EPPK1: variants seen among roughly 807,000 people sequenced by gnomAD.
The protein encoded by EPPK1 is epiplakin 1, also known as epiplakin.
For synonymous variants in EPPK1, 1,862 were observed against 1,721.2 expected, an observed-to-expected ratio of 1.08 and a Z score of -2.03; for missense variants, 3,823 against 3,673.3, an observed-to-expected ratio of 1.04 and a Z score of -1.05.
chr8:143,871,628 G>C lies in EPPK1; in HGVS notation c.1626C>G (p.Ala542=). 6.2e-7 allele frequency: 1 copy of C among 1,604,538 alleles called. No homozygotes were observed. Among genetic ancestry groups the C allele is most frequent in the South Asian group, 1.1e-5 (1 of 89,840 alleles). ...QEGTLSVEKL[A]AKLSATLEQA... is the part of the protein sequence containing the mutation. Reference sequence around the variant, plus strand: ...GCTCGAGGGTGGCGCTCAGCTTAGCGGCCAGCTTCTCCACGGAGAGGGTCC... The same window carrying C: ...GCTCGAGGGTGGCGCTCAGCTTAGCCGCCAGCTTCTCCACGGAGAGGGTCC... Residue 542 remains alanine, a synonymous_variant, in exon 2 of 2, where the codon GCC becomes GCG. Coordinates refer to ENST00000615648, the MANE Select transcript of EPPK1 (RefSeq NM_031308.4).
chr8:143,877,224 C>CCCTGCCCCTTCCG (rs1819499161), intron 1 of EPPK1, among the ~76,000 whole-genome samples: 4 of 152,238 alleles, frequency 2.6e-5, no homozygotes, highest in African/African-American at 9.6e-5. Context: ...TGCCCCTTCC[C>CCCTGCCCCTTCCG]TGGGCCCTGC....
chr8:143,872,982 T>C lies in EPPK1; in HGVS notation c.272A>G (p.Gln91Arg). ...CAGGGCCTTGGACACAGGGAGCAGCTGGCCCCGGGCGAGGTCCACCAGGCC... is the reference window on the plus strand; with the variant it reads ...CAGGGCCTTGGACACAGGGAGCAGCCGGCCCCGGGCGAGGTCCACCAGGCC... ...TGGLVDLARG[Q>R]LLPVSKALQQ... Residue 91 changes from glutamine (Q) to arginine (R), a missense_variant, in exon 2 of 2, where the codon CAG becomes CGG. Physicochemically the swap from Gln to Arg is conservative, Grantham distance 43. Transcript: ENST00000615648. The C allele has an allele frequency of 6.3e-7, 1 of 1,586,656 alleles. No individual in the cohort carries two copies. Among genetic ancestry groups the C allele is most frequent in the Non-Finnish European group, 8.6e-7 (1 of 1,165,932 alleles).
At position 143,866,884 on chromosome 8, in the gene EPPK1, C is replaced by G. The variant is rs782669606; in HGVS notation, c.6370G>C (p.Ala2124Pro). 15 of 1,613,100 alleles carry G rather than the reference C, an allele frequency of 9.3e-6. No homozygotes were observed. The highest frequency in any genetic ancestry group is 2.2e-5 in the South Asian group (2 of 91,084). ...GTCACGTATTCGGAATTCAGTAGTG[C>G]CCACAGTGTTGGTTTCTGGCCTCTG... ...RFRGQKPTLW[A>P]LLNSEYVTEE... Residue 2124 changes from alanine (A) to proline (P), a missense_variant, in exon 2 of 2, where the codon GCA becomes CCA. Transcript: ENST00000615648.
rs782622776 is a variant in EPPK1 at position 143,868,924 on chromosome 8, C to T, written c.4330G>A (p.Asp1444Asn). ...LPSDTVLEVD[D>N]HTAVALRAMK... ...GCCCTCAGAGCCACCGCGGTGTGGT[C>T]GTCCACCTCAAGCACTGTGTCTGAG... Residue 1444 changes from aspartate (D) to asparagine (N), a missense_variant, in exon 2 of 2, where the codon GAC becomes AAC. Asp to Asn is a conservative substitution (Grantham distance 23, BLOSUM62 1). Transcript: ENST00000615648. 35 of 1,610,916 alleles carry T rather than the reference C, an allele frequency of 2.2e-5. No individual in the cohort carries two copies. Among genetic ancestry groups the T allele is most frequent in the Non-Finnish European group, 2.8e-5 (33 of 1,179,842 alleles).
In EPPK1 at chr8:143,872,552, G is replaced by A. The variant is rs1240086499; in HGVS notation, c.702C>T (p.Thr234=). Residue 234 remains threonine, a synonymous_variant, in exon 2 of 2, where the codon ACC becomes ACT. Coordinates refer to ENST00000615648, the MANE Select transcript of EPPK1 (RefSeq NM_031308.4). ...SGLALLPLKI[T]FRSMGGAVSA... is the part of the protein sequence containing the mutation. Reference sequence around the variant, plus strand: ...TCACCGCCCCGCCCATGGAGCGGAAGGTGATCTTGAGGGGCAGCAAGGCTA... The same window carrying A: ...TCACCGCCCCGCCCATGGAGCGGAAAGTGATCTTGAGGGGCAGCAAGGCTA... 1.2e-6 allele frequency: 2 copies of A among 1,606,268 alleles called. No individual in the cohort carries two copies. The highest frequency in any genetic ancestry group is 1.3e-5 in the African/African-American group (1 of 74,888).
Position 143,868,099 on chromosome 8 carries a change from C to T in EPPK1, c.5155G>A (p.Ala1719Thr), listed in dbSNP as rs1239708268. Residue 1719 changes from alanine to threonine, a missense_variant, in exon 2 of 2, where the codon GCG becomes ACG. Physicochemically the swap from Ala to Thr is moderately conservative, Grantham distance 58 (BLOSUM62 0). Coordinates refer to ENST00000615648, the MANE Select transcript of EPPK1 (RefSeq NM_031308.4). ...CCCTTGGTGTCGTCGCTGGGGTCCG[C>T]CAGGATGCGGTTCATCTCCTCGTCG... ...YFDEEMNRILADPSDDTKGFF... is the reference protein window; with the variant it reads ...YFDEEMNRILTDPSDDTKGFF... 1.2e-6 allele frequency: 2 copies of T among 1,613,212 alleles called. No individual in the cohort carries two copies. The highest frequency in any genetic ancestry group is 1.3e-5 in the African/African-American group (1 of 74,924).
chr8:143,869,608 G>A lies in EPPK1; in HGVS notation c.3646C>T (p.Gln1216Ter), dbSNP rs1554660426. ...VWLLDAGIIT[Q>*]ETLEALAQGT... ...TGAGCCAGGGCCTCAAGGGTCTCCT[G>A]GGTGATGATGCCAGCATCCAGCAGC... The change falls in exon 2 of 2, where the codon CAG becomes TAG. Residue 1216 changes from glutamine (Q) to a stop codon, truncating the protein, a stop_gained. Transcript: ENST00000615648. LOFTEE classifies it low-confidence loss of function (END_TRUNC). 1 of 1,574,768 alleles carries A rather than the reference G, an allele frequency of 6.4e-7. No homozygotes were observed.
At chr8:143,875,346 C>T (rs1554662200) in intron 1 of EPPK1, among the ~76,000 whole-genome samples, 1 of 152,240 alleles carries the variant, frequency 6.6e-6, no homozygotes, top group East Asian at 1.9e-4. Flanking sequence ...AACCCTGGCC[C>T]TCTCCCTTCC....
In EPPK1 at chr8:143,869,852, G is replaced by A. The variant is rs374583787; in HGVS notation, c.3402C>T (p.Ala1134=). The A allele has an allele frequency of 3.4e-4, 546 of 1,600,364 alleles. No individual in the cohort carries two copies. The highest frequency in any genetic ancestry group is 5.8e-4 in the Admixed American group (34 of 58,298). The change falls in exon 2 of 2, where the codon GCC becomes GCT. Residue 1134 remains alanine, a synonymous_variant. Coordinates refer to ENST00000615648, the MANE Select transcript of EPPK1 (RefSeq NM_031308.4). ...TEEQVQRSLQ[A]VPGAKDGTSL... is the part of the protein sequence containing the mutation. The stretch of plus-strand genomic sequence containing the variant: ...ATGTGCCATCCTTGGCCCCCGGCAC[G>A]GCCTGCAGGCTCCTCTGGACCTGCT...
chr8:143,875,692 G>A lies in EPPK1; in HGVS notation c.-45-2394C>T, dbSNP rs1441326572. ...CAGGGATGCCTGGGCGCTTGTCTTC[G>A]TGGTGCAATGGGCCACGGGCCCGCT... On this transcript the variant is annotated intron_variant, in intron 1 of 1. Transcript: ENST00000615648. Among the ~76,000 whole-genome samples the A allele has an allele frequency of 6.6e-5, 10 of 152,378 alleles. No individual in the cohort carries two copies. In the East Asian group the frequency reaches 7.7e-4, roughly 12 times the overall value.
At position 143,871,036 on chromosome 8, in the gene EPPK1, C is replaced by T. The variant is rs782491999; in HGVS notation, c.2218G>A (p.Val740Met). Residue 740 changes from valine to methionine, a missense_variant, in exon 2 of 2, where the codon GTG (valine) becomes ATG (methionine). Transcript: ENST00000615648. ...TAGCCGCGCCGGTAGGCCACGTCCA[C>T]GGGCACGCGGTGGCTGTGCACGGGG... is the stretch of plus-strand genomic sequence containing the variant. ...IDPVHSHRVP[V>M]DVAYRRGYFD... The T allele has an allele frequency of 6.2e-6, 10 of 1,613,136 alleles. No homozygotes were observed. In the East Asian group the frequency reaches 8.9e-5, roughly 14 times the overall value.
At position 143,870,032 on chromosome 8, in the gene EPPK1, CT is replaced by C. The variant is rs1554660591; in HGVS notation, c.3221del (p.Glu1074GlyfsTer103). The C allele has an allele frequency of 6.2e-7, 1 of 1,611,064 alleles. No homozygotes were observed. The highest frequency in any genetic ancestry group is 2.2e-5 in the East Asian group (1 of 44,836). ...TTTCGGAGGAGCTGGACAAGGCTGT[CT>C]CCATCTCCTGGTCAACATAGCCACG... ...IQRGYVDQEM[E>X]TALSSSSETF... On this transcript the variant is annotated frameshift_variant, in exon 2 of 2. Transcript: ENST00000615648. LOFTEE classifies it low-confidence loss of function (END_TRUNC). The surrounding 1 kb of genome is among the most constrained non-coding windows in gnomAD (Gnocchi z 5.2).
In EPPK1 at chr8:143,866,411, C is replaced by T; in HGVS notation, c.6843G>A (p.Leu2281=). ...CCGCGGCCACGGCCTCCTCCACCGA[C>T]AGCCTCAGGTTGCGCACGGGGTCGA... ...FVIDPVRNLR[L]SVEEAVAAGV... The change falls in exon 2 of 2, where the codon CTG becomes CTA. Residue 2281 remains leucine, a synonymous_variant. Transcript: ENST00000615648. 1 of 1,165,868 alleles carries T rather than the reference C, an allele frequency of 8.6e-7. No homozygotes were observed. The highest frequency in any genetic ancestry group is 2.6e-5 in the East Asian group (1 of 38,280). The allele number at this position is 1,165,868 out of a possible 1,614,324, so 72.2% of individuals were successfully genotyped here.
rs1563873320 is a variant in EPPK1 at position 143,857,737 on chromosome 8, G to A, written c.*250C>T. 5 of 418,192 alleles carry A rather than the reference G, an allele frequency of 1.2e-5. No homozygotes were observed. The highest frequency in any genetic ancestry group is 1.7e-4 in the South Asian group (2 of 11,672). The allele number at this position is 418,192 out of a possible 1,614,324, so 25.9% of individuals were successfully genotyped here. On this transcript the variant is annotated 3_prime_UTR_variant, in exon 2 of 2. Transcript: ENST00000615648. ...GAAAAATGTTCTGAAAACGAAAAAG[G>A]AGAGAAAAGTAAAACCATATGACAC...
chr8:143,879,170 C>T (rs1259189199), upstream of EPPK1, among the ~76,000 whole-genome samples: 1 of 152,200 alleles, frequency 6.6e-6, no homozygotes, highest in Non-Finnish European at 1.5e-5. Flanking sequence ...CTCAGCCTGG[C>T]ACGGGAACCT....
In EPPK1 at chr8:143,857,786, A is replaced by G. The variant is rs2130589910; in HGVS notation, c.*201T>C. 2.0e-6 allele frequency: 1 copy of G among 501,898 alleles called. No homozygotes were observed. The highest frequency in any genetic ancestry group is 3.8e-5 in the Admixed American group (1 of 26,486). The allele number at this position is 501,898 out of a possible 1,614,324, so 31.1% of individuals were successfully genotyped here. A position where few individuals can be genotyped will look rare whatever the true frequency, so the allele number is the denominator to read the frequency against. On this transcript the variant is annotated 3_prime_UTR_variant, in exon 2 of 2. Transcript: ENST00000615648. ...ACATAGACGACCCAGAAAACACACC[A>G]AAAAACTTATGAAACACCTCGATGG...
At chr8:143,874,693 T>A (rs9314419) in intron 1 of EPPK1, among the ~76,000 whole-genome samples, 2 of 151,992 alleles carry the variant, frequency 1.3e-5, no homozygotes, top group Non-Finnish European at 1.5e-5. Context: ...TGCACCCCTG[T>A]GCCCACCCAC....
At chr8:143,873,999 T>A (rs1235880597) in intron 1 of EPPK1, among the ~76,000 whole-genome samples, 1 of 152,158 alleles carries the variant, frequency 6.6e-6, no homozygotes, top group Non-Finnish European at 1.5e-5. Context: ...GGATCTCACA[T>A]CTGCGAGCAC....
rs1819143448 is a variant in EPPK1 at position 143,867,018 on chromosome 8, C to A, written c.6236G>T (p.Gly2079Val). 9.3e-6 allele frequency: 15 copies of A among 1,612,874 alleles called. No homozygotes were observed. Among genetic ancestry groups the A allele is most frequent in the Non-Finnish European group, 1.3e-5 (15 of 1,179,872 alleles). The change falls in exon 2 of 2, where the codon GGC becomes GTC. Residue 2079 changes from glycine to valine, a missense_variant. Gly to Val is a moderately radical substitution (Grantham distance 109). Transcript: ENST00000615648. ...QERCRPQEDT[G>V]WLLFPVNKAA... ...CTTGTTCACTGGGAACAGCAGCCAG[C>A]CCGTGTCCTCTTGTGGGCGGCACCT...
Sources: gnomAD v4.1 joint callset for allele counts (sites outside exome capture counted in the v4.1 genomes callset) on GRCh38, gnomAD v4.1.1 for gene constraint, Gnocchi (gnomAD v3.1) non-coding constraint, MANE v1.5 for transcripts, NCBI Gene and HGNC (gene_info 2026-07-23, HGNC 2026-07-21) for gene names.